Variants in DIP2B observed in about 807,000 individuals in gnomAD.
The protein encoded by DIP2B is disco-interacting protein 2 homolog B.
DIP2B carries 76 observed loss-of-function variants against 198.0 expected under a neutral mutation model. The observed-to-expected ratio is 0.38, with a 90% CI of 0.32 to 0.46. The LOEUF (loss-of-function observed/expected upper bound fraction) is 0.46, where lower values mean the gene tolerates loss of function less well. Among genes scored for constraint, DIP2B ranks in the 20% least tolerant of loss-of-function variants. The pLI, the probability that DIP2B is intolerant of heterozygous loss-of-function variation, is 0.99. For synonymous variants in DIP2B, 701 were observed against 739.1 expected (o/e 0.95, Z 0.84); for missense variants, 1,559 against 1,978.4 (o/e 0.79, Z 4.02).
intron 37 of DIP2B, among the ~76,000 whole-genome samples, chr12:50,743,133 A>T (rs1592151562): frequency 6.6e-6 from 1 of 152,192 alleles, no homozygotes; most frequent in Middle Eastern, 3.4e-3. Flanking sequence ...CCCAGGCTGG[A>T]GTGCAGCGGT....
At chr12:50,543,157 AG>A (rs1247428930) in intron 1 of DIP2B, among the ~76,000 whole-genome samples, 1 of 152,126 alleles carries the variant, frequency 6.6e-6, no homozygotes, top group Admixed American at 6.5e-5. Context: ...TATAGGCGTG[AG>A]CCACCGTGCC....
intron 1 of DIP2B, among the ~76,000 whole-genome samples, chr12:50,565,919 TTA>T (rs1413676296): frequency 1.3e-5 from 2 of 152,240 alleles, no homozygotes; most frequent in East Asian, 3.9e-4. Context: ...TTTGGGCATT[TTA>T]TATGTCTCGA....
chr12:50,566,069 G>A (rs1013996279), intron 1 of DIP2B, among the ~76,000 whole-genome samples: 2 of 151,888 alleles, frequency 1.3e-5, no homozygotes, highest in Non-Finnish European at 2.9e-5. Flanking sequence ...CTGAGACAGG[G>A]TCTTGCTCTG....
In DIP2B at chr12:50,686,700, A is replaced by C; in HGVS notation, c.1551+18A>C. ...ACATTGAGGTAAGTCCTAAGATGTA[A>C]AATATGCTTTCAGGCTTTTCCTTGG... On this transcript the variant is annotated intron_variant, in intron 12 of 37. Transcript: ENST00000301180. The C allele has an allele frequency of 6.2e-7, 1 of 1,605,080 alleles. No homozygotes were observed. Among genetic ancestry groups the C allele is most frequent in the Non-Finnish European group, 8.5e-7 (1 of 1,175,732 alleles).
At chr12:50,643,405 CTGTG>C (rs57483938) in intron 3 of DIP2B, among the ~76,000 whole-genome samples, 24,846 of 130,900 alleles carry the variant, frequency 0.19, 2,321 homozygotes, top group African/African-American at 0.22. Context: ...GGGAGTTTTT[CTGTG>C]TGTGTGTGTG....
At chr12:50,602,472 G>C (rs1289257513) in intron 1 of DIP2B, among the ~76,000 whole-genome samples, 1 of 152,080 alleles carries the variant, frequency 6.6e-6, no homozygotes, top group East Asian at 1.9e-4. Context: ...TGCCCAGCTG[G>C]TCTCCAACTC....
chr12:50,652,200 C>T (rs1471602726), intron 3 of DIP2B, among the ~76,000 whole-genome samples: 1 of 151,952 alleles, frequency 6.6e-6, no homozygotes, highest in Admixed American at 6.6e-5. Context: ...CTAATCCCAG[C>T]TCCTCAGGAG....
intron 26 of DIP2B, 63 bp downstream of exon 26, chr12:50,721,459 A>G (rs1229510458): frequency 6.3e-7 from 1 of 1,597,380 alleles, no homozygotes; most frequent in Non-Finnish European, 8.5e-7. Context: ...CAAATTATAA[A>G]AGGATAGGCA....
chr12:50,589,772 T>C (rs1458621304), intron 1 of DIP2B, among the ~76,000 whole-genome samples: 8 of 152,004 alleles, frequency 5.3e-5, no homozygotes, highest in African/African-American at 1.9e-4. Flanking sequence ...ATCCTCTGTG[T>C]TACTTAAATT....
intron 13 of DIP2B, 121 bp downstream of exon 13, chr12:50,691,272 C>T: frequency 4.5e-6 from 4 of 896,274 alleles, no homozygotes; most frequent in Non-Finnish European, 6.6e-6. Flanking sequence ...TCCCAAGACA[C>T]ATTCTTGGCT....
At chr12:50,637,192 G>T (rs1000632633) in intron 2 of DIP2B, among the ~76,000 whole-genome samples, 1 of 152,124 alleles carries the variant, frequency 6.6e-6, no homozygotes, top group African/African-American at 2.4e-5. Flanking sequence ...CTATCACATG[G>T]TGCTGTTGTG....
intron 1 of DIP2B, among the ~76,000 whole-genome samples, chr12:50,513,623 C>T (rs1958037736): frequency 6.6e-6 from 1 of 152,140 alleles, no homozygotes; most frequent in Non-Finnish European, 1.5e-5. Flanking sequence ...CCTGCAATCC[C>T]AATACTTTGG....
Position 50,511,846 on chromosome 12 carries a change from G to A in DIP2B, c.100+6606G>A, listed in dbSNP as rs144408889. ...ACCTGTAGTCCCAGCTACTCGGGAA[G>A]CTGAGGCAGGAGAATTGCTTGAACT... is the stretch of plus-strand genomic sequence containing the variant. On this transcript the variant is annotated intron_variant, in intron 1 of 37. Coordinates refer to ENST00000301180, the MANE Select transcript of DIP2B (RefSeq NM_173602.3). Among the ~76,000 whole-genome samples, 757 of 149,052 alleles carry A rather than the reference G, an allele frequency of 5.1e-3. 5 individuals are homozygous for A. The highest frequency in any genetic ancestry group is 0.017 in the African/African-American group (708 of 40,590).
At chr12:50,667,586 C>T (rs1938777903) in intron 4 of DIP2B, among the ~76,000 whole-genome samples, 1 of 152,174 alleles carries the variant, frequency 6.6e-6, no homozygotes, top group Admixed American at 6.5e-5. Context: ...CGTCTTTTAA[C>T]TTTACCCGGA....
At chr12:50,540,285 A>G (rs1194395264) in intron 1 of DIP2B, among the ~76,000 whole-genome samples, 3 of 137,046 alleles carry the variant, frequency 2.2e-5, no homozygotes, top group African/African-American at 7.7e-5. Flanking sequence ...TTTTTTTTGT[A>G]TATTTAGTAG....
intron 2 of DIP2B, among the ~76,000 whole-genome samples, chr12:50,635,738 A>C (rs1294197817): frequency 1.3e-5 from 2 of 152,184 alleles, no homozygotes; most frequent in Non-Finnish European, 2.9e-5. Flanking sequence ...TATTTTCCTT[A>C]ATGTCCTTGT....
chr12:50,690,153 C>A (rs1939198487), intron 12 of DIP2B, among the ~76,000 whole-genome samples: 1 of 146,990 alleles, frequency 6.8e-6, no homozygotes, highest in Non-Finnish European at 1.5e-5. Context: ...GTGGTGTGAT[C>A]TCGGCTCACT....
intron 4 of DIP2B, among the ~76,000 whole-genome samples, chr12:50,663,144 G>T (rs1938682283): frequency 6.6e-6 from 1 of 151,670 alleles, no homozygotes; most frequent in Admixed American, 6.6e-5. Context: ...AACAGTTGTG[G>T]TGCCGGGCGC....
chr12:50,658,014 A>G (rs890827436), intron 3 of DIP2B, among the ~76,000 whole-genome samples: 55 of 151,536 alleles, frequency 3.6e-4, no homozygotes, highest in African/African-American at 1.2e-3. Flanking sequence ...ACTTCGGGAG[A>G]CTGAGGCGGG....
Sources: allele counts gnomAD v4.1 joint callset (sites outside exome capture counted in the v4.1 genomes callset), GRCh38; gene constraint gnomAD v4.1.1; transcripts MANE v1.5; gene names NCBI Gene and HGNC (gene_info 2026-07-23, HGNC 2026-07-21).